Variants in RABGAP1L observed in about 807,000 individuals in gnomAD.
The protein encoded by RABGAP1L is RAB GTPase activating protein 1 like.
RABGAP1L carries 63 observed loss-of-function variants against 137.7 expected under a neutral mutation model. That is an observed-to-expected ratio of 0.46 (90% CI 0.37 to 0.56). RABGAP1L has a LOEUF of 0.56. Ranked by LOEUF, RABGAP1L falls within the 20% of genes least tolerant of loss-of-function variation. The pLI is 0.00. For missense variants in RABGAP1L, 1,095 were observed against 1,244.0 expected (o/e 0.88, Z 1.80); for synonymous variants, 431 against 433.7 (o/e 0.99, Z 0.08).
intron 19 of RABGAP1L, among the ~76,000 whole-genome samples, chr1:174,881,742 C>T (rs978836359): frequency 1.1e-4 from 16 of 151,592 alleles, no homozygotes; most frequent in African/African-American, 2.4e-4. Flanking sequence ...TCAAGTGACC[C>T]GCCCGCCTCA....
chr1:174,919,056 TCACCCAGG>T (rs1433863594), intron 19 of RABGAP1L, among the ~76,000 whole-genome samples: 4 of 151,378 alleles, frequency 2.6e-5, no homozygotes, highest in Non-Finnish European at 4.4e-5. Context: ...TCTTGCTCTT[TCACCCAGG>T]CTGGGGTGCA....
intron 19 of RABGAP1L, among the ~76,000 whole-genome samples, chr1:174,906,975 T>C (rs1659198767): frequency 6.6e-6 from 1 of 151,956 alleles, no homozygotes. Flanking sequence ...ATATAAAATC[T>C]TTACCAGACA....
At chr1:174,529,441 G>A (rs1321335521) in intron 13 of RABGAP1L, among the ~76,000 whole-genome samples, 1 of 152,098 alleles carries the variant, frequency 6.6e-6, no homozygotes, top group Non-Finnish European at 1.5e-5. Flanking sequence ...TTCCTTAGTG[G>A]CTTAGGGTGT....
chr1:174,969,495 T>C (rs1044709975), intron 21 of RABGAP1L, 108 bp downstream of exon 21: 2 of 788,304 alleles, frequency 2.5e-6, no homozygotes, highest in African/African-American at 3.4e-5. Context: ...TCTTGAGGAA[T>C]GGACAAGTGG....
At chr1:174,453,672 T>C (rs1178756022) in intron 13 of RABGAP1L, among the ~76,000 whole-genome samples, 1 of 152,102 alleles carries the variant, frequency 6.6e-6, no homozygotes, top group Non-Finnish European at 1.5e-5. Flanking sequence ...TTAGATTGAG[T>C]GATATGTAGA....
Position 174,164,024 on chromosome 1 carries a change from G to A in RABGAP1L, c.-34+4367G>A, listed in dbSNP as rs554725368. Reference sequence around the variant, plus strand: ...AATTTTCTGTGTATCTGGGTATTCAGTGGGGTGGGAACATGAGCACAAATA... The same window carrying A: ...AATTTTCTGTGTATCTGGGTATTCAATGGGGTGGGAACATGAGCACAAATA... On this transcript the variant is annotated intron_variant, in intron 1 of 25. Coordinates refer to ENST00000681986, the MANE Select transcript of RABGAP1L (RefSeq NM_001366446.1). Among the ~76,000 whole-genome samples the A allele has an allele frequency of 1.1e-4, 17 of 152,236 alleles. No individual in the cohort carries two copies. The South Asian group carries it at 1.5e-3, about 13-fold the overall frequency.
chr1:174,238,010 TTTCA>T (rs1671369015), intron 4 of RABGAP1L, among the ~76,000 whole-genome samples: 1 of 151,772 alleles, frequency 6.6e-6, no homozygotes, highest in African/African-American at 2.4e-5. Context: ...TCTCACTTCA[TTTCA>T]TTCATTTCAT....
chr1:174,850,462 A>G (rs1170170355), intron 19 of RABGAP1L, among the ~76,000 whole-genome samples: 2 of 152,194 alleles, frequency 1.3e-5, no homozygotes, highest in African/African-American at 4.8e-5. Context: ...TTTCCTGTAT[A>G]TCTTTTATAC....
At chr1:174,208,518 G>T (rs201977008) in intron 1 of RABGAP1L, among the ~76,000 whole-genome samples, 1 of 152,204 alleles carries the variant, frequency 6.6e-6, no homozygotes, top group South Asian at 2.1e-4. Flanking sequence ...GTTGGATTTT[G>T]TCAAATGCAT....
At chr1:174,836,897 T>C (rs1368142417) in intron 19 of RABGAP1L, among the ~76,000 whole-genome samples, 1 of 152,178 alleles carries the variant, frequency 6.6e-6, no homozygotes, top group African/African-American at 2.4e-5. Flanking sequence ...TAGTGTGGTA[T>C]GTATCTGACT....
intron 1 of RABGAP1L, among the ~76,000 whole-genome samples, chr1:174,195,502 A>T (rs751210154): frequency 6.6e-6 from 1 of 152,122 alleles, no homozygotes; most frequent in Non-Finnish European, 1.5e-5. Flanking sequence ...AAGACCACAG[A>T]CTGAGGAGCC....
At chr1:174,344,600 A>G (rs1032237163) in intron 11 of RABGAP1L, among the ~76,000 whole-genome samples, 1 of 152,242 alleles carries the variant, frequency 6.6e-6, no homozygotes, top group Non-Finnish European at 1.5e-5. Flanking sequence ...TAGAAGAGAT[A>G]GAGTCATCTA....
intron 1 of RABGAP1L, among the ~76,000 whole-genome samples, chr1:174,174,195 TACACACACAC>T (rs56864336): frequency 0.1 from 15,222 of 145,622 alleles, 2,064 homozygotes; most frequent in African/African-American, 0.32. Flanking sequence ...GGAAAAAAAA[TACACACACAC>T]ACACACACAC....
At chr1:174,587,459 A>G (rs1669213303) in intron 13 of RABGAP1L, among the ~76,000 whole-genome samples, 1 of 149,464 alleles carries the variant, frequency 6.7e-6, no homozygotes, top group Non-Finnish European at 1.5e-5. Context: ...TAAATAAAAT[A>G]AAATAAAATA....
intron 15 of RABGAP1L, among the ~76,000 whole-genome samples, chr1:174,693,561 A>G (rs1330444182): frequency 1.3e-5 from 2 of 152,086 alleles, no homozygotes; most frequent in African/African-American, 2.4e-5. Flanking sequence ...CTGCAGCTCT[A>G]CTGTTATGCA....
At chr1:174,541,904 T>C (rs1040986482) in intron 13 of RABGAP1L, among the ~76,000 whole-genome samples, 1 of 152,258 alleles carries the variant, frequency 6.6e-6, no homozygotes, top group Non-Finnish European at 1.5e-5. Context: ...TTTATTGATT[T>C]GCGTATGTTG....
intron 11 of RABGAP1L, among the ~76,000 whole-genome samples, chr1:174,328,250 T>G (rs1474491319): frequency 6.6e-6 from 1 of 151,846 alleles, no homozygotes; most frequent in African/African-American, 2.4e-5. Flanking sequence ...ATTCACATTC[T>G]TCTCAACTGC....
Position 174,225,494 on chromosome 1 carries a change from CTTTTTTTTT to C in RABGAP1L, c.331+4343_331+4351del, listed in dbSNP as rs59323156. ...GTTAAAATCCTCTGAAGAATGTTGA[CTTTTTTTTT>C]TTTTTTTTTTTTAAAGCAGACATTC... On this transcript the variant is annotated intron_variant, in intron 3 of 25. Coordinates refer to ENST00000681986, the MANE Select transcript of RABGAP1L (RefSeq NM_001366446.1). Among the ~76,000 whole-genome samples, 10 of 105,712 alleles carry C rather than the reference CTTTTTTTTT, an allele frequency of 9.5e-5. No individual in the cohort carries two copies. The South Asian group carries it at 2.0e-3, about 21-fold the overall frequency. 69.4% of individuals were successfully genotyped at this position (105,712 alleles called of 152,430 possible). A position where few individuals can be genotyped will look rare whatever the true frequency, so the allele number is the denominator to read the frequency against.
intron 3 of RABGAP1L, among the ~76,000 whole-genome samples, chr1:174,228,167 A>G (rs1245843513): frequency 6.6e-6 from 1 of 151,964 alleles, no homozygotes; most frequent in Non-Finnish European, 1.5e-5. Context: ...ATAGTCGTAT[A>G]GGCCTTCTTT....
Sources: allele counts gnomAD v4.1 joint callset (sites outside exome capture counted in the v4.1 genomes callset), GRCh38; gene constraint gnomAD v4.1.1; transcripts MANE v1.5; gene names NCBI Gene and HGNC (gene_info 2026-07-23, HGNC 2026-07-21).